Variants in HDLBP observed in about 807,000 individuals in gnomAD.
The protein encoded by HDLBP is vigilin.
HDLBP carries 30 observed loss-of-function variants against 137.3 expected under a neutral mutation model. The observed-to-expected ratio is 0.22, with a 90% CI of 0.16 to 0.30. HDLBP has a LOEUF of 0.30. HDLBP is among the 10% of genes least tolerant of loss of function. The pLI is 1.00. For missense variants in HDLBP, 1,119 were observed against 1,667.3 expected, an observed-to-expected ratio of 0.67 and a Z score of 5.73; for synonymous variants, 606 against 596.0, an observed-to-expected ratio of 1.02 and a Z score of -0.24.
chr2:241,268,500 A>T lies in HDLBP; in HGVS notation c.-61T>A, dbSNP rs1470557746. On this transcript the variant is annotated 5_prime_UTR_variant, in exon 2 of 28. Transcript: ENST00000310931. ...ACCAGCAAAACGGTCAGTAGCCAGA[A>T]GGTCCGTCCTGAGGCCGCCTCTGTC... 1.0e-6 allele frequency: 1 copy of T among 985,790 alleles called. No individual in the cohort carries two copies. The highest frequency in any genetic ancestry group is 1.2e-6 in the Non-Finnish European group (1 of 829,954). 61.1% of individuals were successfully genotyped at this position (985,790 alleles called of 1,614,324 possible). A position where few individuals can be genotyped will look rare whatever the true frequency, so the allele number is the denominator to read the frequency against.
chr2:241,277,565 AC>A (rs1279192402), intron 1 of HDLBP, among the ~76,000 whole-genome samples: 1 of 152,244 alleles, frequency 6.6e-6, no homozygotes, highest in Non-Finnish European at 1.5e-5. Context: ...AAACTCGAAA[AC>A]AGATGAAATG....
At chr2:241,279,346 ATTAT>A (rs1253184819) in intron 1 of HDLBP, among the ~76,000 whole-genome samples, 10 of 152,212 alleles carry the variant, frequency 6.6e-5, no homozygotes, top group African/African-American at 2.4e-5. Flanking sequence ...TGTAAAAAAA[ATTAT>A]TTATATACAC....
intron 12 of HDLBP, 74 bp downstream of exon 12, chr2:241,249,767 A>G: frequency 7.0e-7 from 1 of 1,426,032 alleles, no homozygotes; most frequent in South Asian, 1.4e-5. Flanking sequence ...GCACACCACA[A>G]CACGCTACTC....
rs2074191515 is a variant in HDLBP, at chr2:241,272,681, C to A, written c.-102-4140G>T. 1 of 781,442 alleles carries A rather than the reference C, an allele frequency of 1.3e-6. No homozygotes were observed. Among genetic ancestry groups the A allele is most frequent in the Non-Finnish European group, 1.5e-6 (1 of 649,616 alleles). 48.4% of individuals were successfully genotyped at this position (781,442 alleles called of 1,614,324 possible). ...CCGCGGCCTCCACGTCAGCAGCCACCCCCCACCCCCCCGCCCGGCAGCCCG... is the reference window on the plus strand; with the variant it reads ...CCGCGGCCTCCACGTCAGCAGCCACACCCCACCCCCCCGCCCGGCAGCCCG... On this transcript the variant is annotated intron_variant, in intron 1 of 27. Transcript: ENST00000310931. This position sits in a 1 kb window ranked among gnomAD's most constrained non-coding sequence, Gnocchi z 5.6.
chr2:241,241,982 G>A (rs908678049), intron 17 of HDLBP, among the ~76,000 whole-genome samples: 4 of 152,098 alleles, frequency 2.6e-5, no homozygotes, highest in Non-Finnish European at 4.4e-5. Flanking sequence ...AACAGCCAAA[G>A]TTAAGAGGGC....
At chr2:241,252,835 C>G in intron 11 of HDLBP, 122 bp downstream of exon 11, 1 of 631,344 alleles carries the variant, frequency 1.6e-6, no homozygotes, top group Non-Finnish European at 2.8e-6. Context: ...AAGTCTGTAA[C>G]TCCCATTACA....
At chr2:241,259,629 C>G (rs954256452) in intron 5 of HDLBP, among the ~76,000 whole-genome samples, 2 of 152,190 alleles carry the variant, frequency 1.3e-5, no homozygotes, top group Admixed American at 1.3e-4. Context: ...GCTGGGATTA[C>G]AGGTGAGCAC....
At chr2:241,253,262 T>C in intron 10 of HDLBP, 131 bp downstream of exon 10, 1 of 757,716 alleles carries the variant, frequency 1.3e-6, no homozygotes. Flanking sequence ...CAGAACCTAT[T>C]ACTCACCCAG....
chr2:241,264,044 G>C (rs1396475880), intron 4 of HDLBP, among the ~76,000 whole-genome samples: 2 of 151,598 alleles, frequency 1.3e-5, no homozygotes, highest in African/African-American at 4.8e-5. Flanking sequence ...GATAGGTTAA[G>C]AAAGAACAGC....
At chr2:241,257,885 C>T in intron 5 of HDLBP, among the ~76,000 whole-genome samples, 1 of 152,152 alleles carries the variant, frequency 6.6e-6, no homozygotes, top group East Asian at 1.9e-4. Flanking sequence ...CTGGTCTGAA[C>T]TGAAAACCCA....
intron 1 of HDLBP, among the ~76,000 whole-genome samples, chr2:241,305,441 C>T (rs1324254680): frequency 6.6e-6 from 1 of 152,066 alleles, no homozygotes; most frequent in Non-Finnish European, 1.5e-5. Flanking sequence ...CTCTTTCCAA[C>T]CAAAAAAACG....
intron 23 of HDLBP, 55 bp from the exon 24 acceptor site, chr2:241,234,018 C>T (rs1278768477): frequency 2.1e-5 from 34 of 1,594,070 alleles, no homozygotes; most frequent in Non-Finnish European, 2.9e-5. Flanking sequence ...CACCCTGTGA[C>T]TCCATTCCCC....
rs2072915595 is a variant in HDLBP, at chr2:241,258,660, C to T, written c.451-1854G>A. On this transcript the variant is annotated intron_variant, in intron 5 of 27. Coordinates refer to ENST00000310931, the MANE Select transcript of HDLBP (RefSeq NM_005336.6). ...AATGTAAGAACACATTTACAAGCAG[C>T]AGAAGAAAAGATAAACTTTCTTATG... Among the ~76,000 whole-genome samples, 3 of 152,088 alleles carry T rather than the reference C, an allele frequency of 2.0e-5. No individual in the cohort carries two copies. The South Asian group carries it at 6.2e-4, about 32-fold the overall frequency.
intron 2 of HDLBP, chr2:241,267,907 T>G: frequency 1.0e-6 from 1 of 985,438 alleles, no homozygotes; most frequent in Non-Finnish European, 1.2e-6. Context: ...CAGCGGGATA[T>G]GGGCTCCGAA....
chr2:241,258,346 CAAAAAAAAAAAAAAA>C lies in HDLBP; in HGVS notation c.451-1555_451-1541del, dbSNP rs34675892. On this transcript the variant is annotated intron_variant, in intron 5 of 27. Transcript: ENST00000310931. ...TGGGCGACAGAGCAAGACTCCGTCTCAAAAAAAAAAAAAAAAAAAAAAAAAAAATTAGCTGGCCAT... is the reference window on the plus strand; with the variant it reads ...TGGGCGACAGAGCAAGACTCCGTCTCAAAAAAAAAAAAATTAGCTGGCCAT... Among the ~76,000 whole-genome samples, 206 of 55,474 alleles carry C rather than the reference CAAAAAAAAAAAAAAA, an allele frequency of 3.7e-3. 5 individuals are homozygous for C. In the East Asian group the frequency reaches 0.12, roughly 31 times the overall value. The allele number at this position is 55,474 out of a possible 152,430, so 36.4% of individuals were successfully genotyped here.
chr2:241,267,234 CAAAA>C (rs201378918), intron 2 of HDLBP, among the ~76,000 whole-genome samples: 1 of 151,034 alleles, frequency 6.6e-6, no homozygotes, highest in South Asian at 2.1e-4. Flanking sequence ...ACAAAACAAA[CAAAA>C]AAAAACCTCA....
intron 1 of HDLBP, among the ~76,000 whole-genome samples, chr2:241,306,055 C>T (rs145598186): frequency 6.1e-4 from 92 of 151,798 alleles, no homozygotes; most frequent in East Asian, 2.7e-3. Flanking sequence ...TCACCGCGCC[C>T]GGCCAAAAAG....
intron 8 of HDLBP, 107 bp downstream of exon 8, chr2:241,255,267 C>A: frequency 7.1e-7 from 1 of 1,408,696 alleles, no homozygotes; most frequent in Non-Finnish European, 1.0e-6. Context: ...CAAACCTGGG[C>A]ACCTGCACTG....
intron 20 of HDLBP, among the ~76,000 whole-genome samples, chr2:241,237,284 C>T (rs536300860): frequency 1.4e-4 from 22 of 152,256 alleles, no homozygotes; most frequent in Non-Finnish European, 2.9e-4. Context: ...TGTGCCAGCT[C>T]CTTATGCCAG....
Sources: gnomAD v4.1 joint callset for allele counts (sites outside exome capture counted in the v4.1 genomes callset) on GRCh38, gnomAD v4.1.1 for gene constraint, Gnocchi (gnomAD v3.1) non-coding constraint, MANE v1.5 for transcripts, NCBI Gene and HGNC (gene_info 2026-07-23, HGNC 2026-07-21) for gene names.